The following ALKBH5 variants were observed in gnomAD, a reference collection of about 807,000 sequenced individuals.
The protein encoded by ALKBH5 is alkB homolog 5, RNA demethylase, also known as RNA demethylase ALKBH5.
ALKBH5 carries 2 observed loss-of-function variants against 32.1 expected under a neutral mutation model. The observed-to-expected ratio is 0.06, with a 90% CI of 0.03 to 0.20. The LOEUF (loss-of-function observed/expected upper bound fraction) is 0.20, where lower values mean the gene tolerates loss of function less well. Among genes scored for constraint, ALKBH5 ranks in the 10% least tolerant of loss-of-function variants. The pLI is 1.00. For synonymous variants in ALKBH5, 300 were observed against 231.7 expected (o/e 1.29, Z -2.68); for missense variants, 352 against 559.5 (o/e 0.63, Z 3.74).
intron 3 of ALKBH5, among the ~76,000 whole-genome samples, chr17:18,207,500 A>G (rs758691048): frequency 6.6e-6 from 1 of 151,996 alleles, no homozygotes; most frequent in Non-Finnish European, 1.5e-5. Context: ...GTCTCTACTA[A>G]AAAATACAAA....
At chr17:18,204,368 T>C (rs562461459) in intron 2 of ALKBH5, among the ~76,000 whole-genome samples, 1 of 151,898 alleles carries the variant, frequency 6.6e-6, no homozygotes, top group Non-Finnish European at 1.5e-5. Flanking sequence ...GAAGAGTTGC[T>C]TGAACGCGGG....
Position 18,185,027 on chromosome 17 carries a change from G to C in ALKBH5, c.770+14G>C, listed in dbSNP as rs1321925265. 3 of 1,599,182 alleles carry C rather than the reference G, an allele frequency of 1.9e-6. No homozygotes were observed. The highest frequency in any genetic ancestry group is 1.1e-5 in the South Asian group (1 of 90,832). On this transcript the variant is annotated intron_variant, in intron 1 of 3. Coordinates refer to ENST00000399138, the MANE Select transcript of ALKBH5 (RefSeq NM_017758.4). ...GACTGTGCTCAGGTAACCCACCCGG[G>C]TGGAGGGGGCGGCCCTGCGCCTGCT...
At chr17:18,205,807 T>C (rs923696353) in intron 2 of ALKBH5, among the ~76,000 whole-genome samples, 4 of 152,190 alleles carry the variant, frequency 2.6e-5, no homozygotes, top group African/African-American at 9.7e-5. Flanking sequence ...CAGCATCCTC[T>C]AGTATCCTTA....
At position 18,208,835 on chromosome 17, in the gene ALKBH5, T is replaced by C; in HGVS notation, c.*439T>C. 1 of 297,982 alleles carries C rather than the reference T, an allele frequency of 3.4e-6. No individual in the cohort carries two copies. The highest frequency in any genetic ancestry group is 6.5e-6 in the Non-Finnish European group (1 of 154,200). 18.5% of individuals were successfully genotyped at this position (297,982 alleles called of 1,614,324 possible). The stretch of plus-strand genomic sequence containing the variant: ...TCTGCTCGCCCCTTTCCCTCACTGA[T>C]GTCTGCACTTGGTTGAGGTCTCCTG... On this transcript the variant is annotated 3_prime_UTR_variant, in exon 4 of 4. Coordinates refer to ENST00000399138, the MANE Select transcript of ALKBH5 (RefSeq NM_017758.4).
chr17:18,186,689 C>T (rs564317021), intron 1 of ALKBH5, among the ~76,000 whole-genome samples: 11 of 152,320 alleles, frequency 7.2e-5, no homozygotes, highest in African/African-American at 2.6e-4. Flanking sequence ...GGAAAATTCT[C>T]TTCATCTTTT....
intron 2 of ALKBH5, among the ~76,000 whole-genome samples, chr17:18,204,577 C>T (rs549932378): frequency 6.6e-6 from 1 of 151,986 alleles, no homozygotes. Flanking sequence ...GTCTGGCTAA[C>T]ATGGTGAAAT....
intron 2 of ALKBH5, among the ~76,000 whole-genome samples, chr17:18,196,920 A>T (rs546969624): frequency 1.3e-5 from 2 of 151,728 alleles, no homozygotes; most frequent in South Asian, 4.2e-4. Flanking sequence ...GTAAGTATGG[A>T]CTCCTAGGAA....
At chr17:18,206,231 T>C (rs1039920496) in intron 2 of ALKBH5, among the ~76,000 whole-genome samples, 3 of 152,226 alleles carry the variant, frequency 2.0e-5, no homozygotes, top group Non-Finnish European at 2.9e-5. Context: ...CTCTGGCCTT[T>C]ACCTTGTCAG....
At chr17:18,191,949 T>TAAAAA (rs553466001) in intron 1 of ALKBH5, among the ~76,000 whole-genome samples, 1 of 140,748 alleles carries the variant, frequency 7.1e-6, no homozygotes, top group African/African-American at 2.6e-5. Flanking sequence ...ACTCTGTCTT[T>TAAAAA]AAAAAAAAAA....
chr17:18,191,682 C>T (rs2047175744), intron 1 of ALKBH5, among the ~76,000 whole-genome samples: 1 of 152,088 alleles, frequency 6.6e-6, no homozygotes, highest in African/African-American at 2.4e-5. Context: ...AGAAACGTGC[C>T]TCTGGGGCCG....
chr17:18,184,879 G>C lies in ALKBH5; in HGVS notation c.636G>C (p.Glu212Asp), dbSNP rs373471903. 6.8e-6 allele frequency: 11 copies of C among 1,614,118 alleles called. No homozygotes were observed. Among genetic ancestry groups the C allele is most frequent in the African/African-American group, 1.3e-5 (1 of 74,946 alleles). The change falls in exon 1 of 4, where the codon GAG (glutamate) becomes GAC (aspartate). Residue 212 changes from glutamate to aspartate, a missense_variant. Physicochemically the swap from Glu to Asp is conservative, Grantham distance 45 (BLOSUM62 2). Coordinates refer to ENST00000399138, the MANE Select transcript of ALKBH5 (RefSeq NM_017758.4). ...VSHVDPIHIF[E>D]RPIVSVSFFS... ...ACGTGGACCCCATCCACATCTTCGA[G>C]CGCCCCATCGTGTCCGTGTCCTTCT... is the stretch of plus-strand genomic sequence containing the variant.
intron 2 of ALKBH5, among the ~76,000 whole-genome samples, chr17:18,197,151 G>C (rs2047209022): frequency 6.6e-6 from 1 of 152,198 alleles, no homozygotes; most frequent in South Asian, 2.1e-4. Flanking sequence ...CATATCTGTG[G>C]GACAGTCCTA....
rs750849685 is a variant in ALKBH5 at position 18,184,467 on chromosome 17, A to T, written c.224A>T (p.Gln75Leu). Residue 75 changes from glutamine to leucine, a missense_variant, in exon 1 of 4, where the codon CAG becomes CTG. Around this residue, in one of 4 missense-constraint regions of ALKBH5, gnomAD observed 144 missense variants for 125.8 expected, o/e 1.14. Transcript: ENST00000399138. ...GAGCGCAGCGACTATGAGGAGCAGC[A>T]GCTGCAGAAGGAGGAGGAGGCGCGC... is the stretch of plus-strand genomic sequence containing the variant. ...DPERSDYEEQ[Q>L]LQKEEEARKV... 4.3e-6 allele frequency: 7 copies of T among 1,612,408 alleles called. No individual in the cohort carries two copies. The South Asian group carries it at 7.7e-5, about 18-fold the overall frequency.
rs2047127632 is a variant in ALKBH5 at position 18,184,844 on chromosome 17, A to G, written c.601A>G (p.Ile201Val). Reference sequence around the variant, plus strand: ...CAACGACTACCAGCCCGGCGGCTGCATCGTGTCTCACGTGGACCCCATCCA... The same window carrying G: ...CAACGACTACCAGCCCGGCGGCTGCGTCGTGTCTCACGTGGACCCCATCCA... ...VINDYQPGGC[I>V]VSHVDPIHIF... Residue 201 changes from isoleucine (I) to valine (V), a missense_variant, in exon 1 of 4, where the codon ATC (isoleucine) becomes GTC (valine). Coordinates refer to ENST00000399138, the MANE Select transcript of ALKBH5 (RefSeq NM_017758.4). 6.2e-7 allele frequency: 1 copy of G among 1,614,188 alleles called. No individual in the cohort carries two copies. Among genetic ancestry groups the G allele is most frequent in the East Asian group, 2.2e-5 (1 of 44,888 alleles).
rs1314458390 is a variant in ALKBH5, at chr17:18,208,104, G to A, written c.1008-115G>A. The A allele has an allele frequency of 3.0e-5, 35 of 1,156,768 alleles. No individual in the cohort carries two copies. The Admixed American group carries it at 5.3e-4, about 17-fold the overall frequency. 71.7% of individuals were successfully genotyped at this position (1,156,768 alleles called of 1,614,324 possible). A position where few individuals can be genotyped will look rare whatever the true frequency, so the allele number is the denominator to read the frequency against. On this transcript the variant is annotated intron_variant, in intron 3 of 3. Coordinates refer to ENST00000399138, the MANE Select transcript of ALKBH5 (RefSeq NM_017758.4). ...AGGGCCTCTGCCAGGACTACCCTTC[G>A]TTGAGGACCACTGAGCTGAAGTGAC...
rs371096564 is a variant in ALKBH5 at position 18,184,985 on chromosome 17, G to C, written c.742G>C (p.Val248Leu). 10 of 1,611,840 alleles carry C rather than the reference G, an allele frequency of 6.2e-6. No individual in the cohort carries two copies. The highest frequency in any genetic ancestry group is 8.5e-6 in the Non-Finnish European group (10 of 1,179,680). ...GTCGGAACCAGTGCTTTCCCTGCCG[G>C]TGCGCAGGGGAAGCGTGACTGTGCT... ...RVSEPVLSLPVRRGSVTVLSG... is the reference protein window; with the variant it reads ...RVSEPVLSLPLRRGSVTVLSG... The change falls in exon 1 of 4, where the codon GTG becomes CTG. Residue 248 changes from valine to leucine, a missense_variant. This residue lies in a region of ALKBH5 where 56 missense variants were observed against 238.1 expected (regional missense o/e 0.24). Transcript: ENST00000399138.
intron 1 of ALKBH5, among the ~76,000 whole-genome samples, chr17:18,188,582 C>T (rs1420348804): frequency 1.3e-5 from 2 of 152,184 alleles, no homozygotes; most frequent in Admixed American, 6.5e-5. Flanking sequence ...TCTGATTCCA[C>T]TGGAGGGGGA....
intron 2 of ALKBH5, among the ~76,000 whole-genome samples, chr17:18,201,743 T>C (rs955322057): frequency 7.7e-6 from 1 of 129,828 alleles, no homozygotes; most frequent in Non-Finnish European, 1.7e-5. Flanking sequence ...AGACTCCATC[T>C]TAGATAGATA....
At chr17:18,208,069 C>T (rs2047280410) in intron 3 of ALKBH5, 150 bp from the exon 4 acceptor site, 3 of 787,708 alleles carry the variant, frequency 3.8e-6, no homozygotes, top group Non-Finnish European at 6.0e-6. Flanking sequence ...GGGCAAGAAC[C>T]TCCGATACCA....
Sources: allele counts gnomAD v4.1 joint callset (sites outside exome capture counted in the v4.1 genomes callset), GRCh38; gene constraint gnomAD v4.1.1; regional missense constraint gnomAD v4.1.1; transcripts MANE v1.5; gene names NCBI Gene and HGNC (gene_info 2026-07-23, HGNC 2026-07-21).